Variants in ILRUN observed in about 807,000 individuals in gnomAD.
ILRUN encodes the protein inflammation and lipid regulator with UBA-like and NBR1-like domains, also known as protein ILRUN.
In ILRUN, 3 loss-of-function variants were observed where a neutral mutation model predicts 33.8. That is an observed-to-expected ratio of 0.09 (90% CI 0.04 to 0.23). The LOEUF (loss-of-function observed/expected upper bound fraction) is 0.23, where lower values mean the gene tolerates loss of function less well. Among genes scored for constraint, ILRUN ranks in the 10% least tolerant of loss-of-function variants. The pLI is 1.00. For synonymous variants in ILRUN, 124 were observed against 138.9 expected (o/e 0.89, Z 0.75); for missense variants, 210 against 375.1 (o/e 0.56, Z 3.64).
Position 34,662,112 on chromosome 6 carries a change from G to A in ILRUN, c.159-7333C>T, listed in dbSNP as rs1443899722. ...TGCACTCCAGACTGGGCGACAGAGC[G>A]AGACTCCGTCTCAAAAAAAAAAAAA... On this transcript the variant is annotated intron_variant, in intron 1 of 4. Transcript: ENST00000374023. Among the ~76,000 whole-genome samples, 453 of 86,452 alleles carry A rather than the reference G, an allele frequency of 5.2e-3. 2 individuals carry two copies. Among genetic ancestry groups the A allele is most frequent in the Admixed American group, 5.9e-3 (34 of 5,800 alleles). 56.7% of individuals were successfully genotyped at this position (86,452 alleles called of 152,430 possible).
chr6:34,630,657 T>A (rs553444738), intron 3 of ILRUN, among the ~76,000 whole-genome samples: 11 of 152,264 alleles, frequency 7.2e-5, no homozygotes, highest in African/African-American at 2.4e-4. Context: ...GCTGGGATTA[T>A]GGCGTGAGCC....
At position 34,604,955 on chromosome 6, in the gene ILRUN, G is replaced by A. The variant is rs79028947; in HGVS notation, c.861+1600C>T. ...TGAAGTCTTTCCTACTAGACCATGT[G>A]AAAGAGGACTCACATCACCAGGTTT... is the stretch of plus-strand genomic sequence containing the variant. On this transcript the variant is annotated intron_variant, in intron 4 of 4. Transcript: ENST00000374023. Among the ~76,000 whole-genome samples, 25 of 152,258 alleles carry A rather than the reference G, an allele frequency of 1.6e-4. No individual in the cohort carries two copies. The East Asian group carries it at 4.1e-3, about 25-fold the overall frequency.
chr6:34,597,101 C>T (rs1761416880), intron 4 of ILRUN, among the ~76,000 whole-genome samples: 1 of 152,190 alleles, frequency 6.6e-6, no homozygotes, highest in East Asian at 1.9e-4. Context: ...TCACCCCCTA[C>T]TCCCCTTACA....
chr6:34,696,230 C>G (rs548695129), intron 1 of ILRUN: 2 of 534,320 alleles, frequency 3.7e-6, no homozygotes, highest in African/African-American at 3.9e-5. Context: ...CCTTCCGCCC[C>G]TCCTGCCTCC....
chr6:34,648,212 T>A (rs555430107), intron 2 of ILRUN, among the ~76,000 whole-genome samples: 1 of 152,302 alleles, frequency 6.6e-6, no homozygotes, highest in South Asian at 2.1e-4. Flanking sequence ...ATACATTCAT[T>A]ATAAAAATAA....
At chr6:34,693,851 C>T (rs573165384) in intron 1 of ILRUN, among the ~76,000 whole-genome samples, 1 of 151,540 alleles carries the variant, frequency 6.6e-6, no homozygotes, top group East Asian at 2.0e-4. Context: ...GACAGCATCT[C>T]ACCACTCTGT....
chr6:34,590,374 A>C lies in ILRUN; in HGVS notation c.*191T>G. ...AGCCTCAACACCATTCCTGTGATTC[A>C]GCATTCACACATGCATACTGAGTTT... On this transcript the variant is annotated 3_prime_UTR_variant, in exon 5 of 5. Transcript: ENST00000374023. 1.7e-6 allele frequency: 1 copy of C among 595,022 alleles called. No individual in the cohort carries two copies. 36.9% of individuals were successfully genotyped at this position (595,022 alleles called of 1,614,324 possible).
intron 3 of ILRUN, among the ~76,000 whole-genome samples, chr6:34,618,360 T>C (rs1047448690): frequency 1.3e-5 from 2 of 152,228 alleles, no homozygotes; most frequent in African/African-American, 4.8e-5. Context: ...CCTAGTTTGC[T>C]ATAGCCATCT....
intron 1 of ILRUN, among the ~76,000 whole-genome samples, chr6:34,658,825 G>C (rs1180714148): frequency 5.3e-5 from 8 of 152,064 alleles, no homozygotes; most frequent in African/African-American, 1.7e-4. Flanking sequence ...AAAAGACTGT[G>C]ATCTTTAGAG....
chr6:34,631,790 G>A (rs1181018937), intron 3 of ILRUN, among the ~76,000 whole-genome samples: 2 of 152,074 alleles, frequency 1.3e-5, no homozygotes, highest in African/African-American at 2.4e-5. Context: ...TCCTTTTGGG[G>A]TTATAAAATA....
chr6:34,610,053 C>T (rs1168696223), intron 3 of ILRUN, among the ~76,000 whole-genome samples: 6 of 151,180 alleles, frequency 4.0e-5, no homozygotes, highest in Admixed American at 6.6e-5. Context: ...CCCAGCCACT[C>T]GAGAGGCTGA....
intron 3 of ILRUN, among the ~76,000 whole-genome samples, chr6:34,626,326 C>G (rs1762129302): frequency 1.3e-5 from 2 of 152,156 alleles, no homozygotes; most frequent in African/African-American, 4.8e-5. Flanking sequence ...TGCATGTCAC[C>G]ATGCTCAGCT....
At position 34,588,962 on chromosome 6, in the gene ILRUN, C is replaced by T. The variant is rs1429013674; in HGVS notation, c.*1603G>A. On this transcript the variant is annotated 3_prime_UTR_variant, in exon 5 of 5. Coordinates refer to ENST00000374023, the MANE Select transcript of ILRUN (RefSeq NM_024294.4). ...CCTCACCCACACCCAGGCTATATGA[C>T]TCCTTGCAGCCACTCATTACCTGGT... 6.5e-6 allele frequency: 1 copy of T among 152,734 alleles called. No homozygotes were observed. The highest frequency in any genetic ancestry group is 1.5e-5 in the Non-Finnish European group (1 of 68,106). The allele number at this position is 152,734 out of a possible 1,614,324, so 9.5% of individuals were successfully genotyped here.
Position 34,654,646 on chromosome 6 carries a change from T to C in ILRUN, c.292A>G (p.Thr98Ala), listed in dbSNP as rs1762734857. ...TTACCAGAATTCTGGATCCGCCATG[T>C]TTTTACAAACTGAGTATCCGGAGGT... ...SIPPDTQFVK[T>A]WRIQNSGAEA... The change falls in exon 2 of 5, where the codon ACA becomes GCA. Residue 98 changes from threonine (T) to alanine (A), a missense_variant. Around this residue, in one of 4 missense-constraint regions of ILRUN, gnomAD observed 8 missense variants for 45.6 expected, o/e 0.18. Coordinates refer to ENST00000374023, the MANE Select transcript of ILRUN (RefSeq NM_024294.4). The C allele has an allele frequency of 6.2e-7, 1 of 1,612,236 alleles. No homozygotes were observed. The highest frequency in any genetic ancestry group is 8.5e-7 in the Non-Finnish European group (1 of 1,179,284).
intron 2 of ILRUN, among the ~76,000 whole-genome samples, chr6:34,651,510 G>A (rs1762668012): frequency 6.6e-6 from 1 of 152,052 alleles, no homozygotes; most frequent in African/African-American, 2.4e-5. Context: ...GATATATCAA[G>A]AGGCTTTTTG....
intron 1 of ILRUN, among the ~76,000 whole-genome samples, chr6:34,662,301 G>A (rs761651828): frequency 3.8e-4 from 53 of 141,064 alleles, no homozygotes; most frequent in Non-Finnish European, 7.0e-4. Context: ...GCAAGACTCC[G>A]TCTCAAAAAA....
At chr6:34,654,354 T>C (rs1171402681) in intron 2 of ILRUN, among the ~76,000 whole-genome samples, 2 of 152,198 alleles carry the variant, frequency 1.3e-5, no homozygotes, top group South Asian at 2.1e-4. Context: ...GTCTAGTTCC[T>C]AGTAACAAAA....
chr6:34,612,184 T>A (rs1761770455), intron 3 of ILRUN, among the ~76,000 whole-genome samples: 1 of 152,076 alleles, frequency 6.6e-6, no homozygotes, highest in Admixed American at 6.6e-5. Flanking sequence ...GAAGCCAATG[T>A]GAGCAGACTG....
At chr6:34,654,078 TC>T (rs1762724990) in intron 2 of ILRUN, among the ~76,000 whole-genome samples, 1 of 151,040 alleles carries the variant, frequency 6.6e-6, no homozygotes, top group South Asian at 2.1e-4. Context: ...TTGAGCAAAT[TC>T]CCATATTTCC....
Sources: gnomAD v4.1 joint callset for allele counts (sites outside exome capture counted in the v4.1 genomes callset) on GRCh38, gnomAD v4.1.1 for gene constraint, gnomAD v4.1.1 regional missense constraint, MANE v1.5 for transcripts, NCBI Gene and HGNC (gene_info 2026-07-23, HGNC 2026-07-21) for gene names.